The following RIT1 variants were observed in gnomAD, a reference collection of about 807,000 sequenced individuals.
The protein encoded by RIT1 is GTP-binding protein Rit1.
In RIT1, 6 loss-of-function variants were observed where a neutral mutation model predicts 25.6. The observed-to-expected ratio is 0.23, with a 90% CI of 0.13 to 0.46. RIT1 has a LOEUF of 0.46. Among genes scored for constraint, RIT1 ranks in the 20% least tolerant of loss-of-function variants. The probability of loss-of-function intolerance (pLI) is 0.99; values close to 1 mark genes in which losing one functional copy is unlikely to be tolerated. For synonymous variants in RIT1, 81 were observed against 94.1 expected (o/e 0.86, Z 0.80); for missense variants, 219 against 284.4 (o/e 0.77, Z 1.65).
intron 1 of RIT1, 31 bp from the exon 2 acceptor site, chr1:155,910,835 G>C: frequency 6.2e-7 from 1 of 1,612,536 alleles, no homozygotes; most frequent in Non-Finnish European, 8.5e-7. Flanking sequence ...GCTTAATCCA[G>C]GATGGAGACA....
At chr1:155,904,643 T>TA in intron 4 of RIT1, 88 bp downstream of exon 4, 1 of 1,225,154 alleles carries the variant, frequency 8.2e-7, no homozygotes, top group African/African-American at 1.5e-5. Flanking sequence ...TTAAGAGAGA[T>TA]AAACTATTGA....
chr1:155,910,198 TA>T, intron 3 of RIT1: 3 of 481,686 alleles, frequency 6.2e-6, no homozygotes, highest in East Asian at 3.7e-5. Flanking sequence ...TATACAACCA[TA>T]AAAAAATACA....
rs755664065 is a variant in RIT1, at chr1:155,904,374, T to C, written c.366A>G (p.Arg122=). The C allele has an allele frequency of 4.3e-6, 7 of 1,614,018 alleles. No individual in the cohort carries two copies. In the East Asian group the frequency reaches 1.6e-4, roughly 36 times the overall value. ...GAACCACAGGTGTATCGTCAGTACG[T>C]CGGACTCGATAAATAAGCTGTTTAA... ...REFKQLIYRV[R]RTDDTPVVLV... Residue 122 remains arginine (R), a synonymous_variant, in exon 5 of 6, where the codon CGA becomes CGG. Transcript: ENST00000368323.
chr1:155,904,642 A>G (rs1355770435), intron 4 of RIT1, 89 bp downstream of exon 4: 2 of 1,232,024 alleles, frequency 1.6e-6, no homozygotes, highest in Non-Finnish European at 1.2e-6. Context: ...ATTAAGAGAG[A>G]TAAACTATTG....
At chr1:155,910,611 G>A in intron 2 of RIT1, 45 bp downstream of exon 2, 1 of 1,609,720 alleles carries the variant, frequency 6.2e-7, no homozygotes, top group Non-Finnish European at 8.5e-7. Context: ...GGTCATTTAA[G>A]TACTTTTCAT....
chr1:155,901,758 C>T (rs1349893431), intron 5 of RIT1, among the ~76,000 whole-genome samples: 2 of 151,928 alleles, frequency 1.3e-5, no homozygotes, highest in Non-Finnish European at 2.9e-5. Flanking sequence ...GTCAAGGCTG[C>T]GGTAAGCCAT....
chr1:155,909,648 A>G, intron 3 of RIT1, among the ~76,000 whole-genome samples: 1 of 152,042 alleles, frequency 6.6e-6, no homozygotes, highest in Non-Finnish European at 1.5e-5. Context: ...AGGGCTAGGC[A>G]CAGTGGCTCA....
chr1:155,899,902 T>C lies in RIT1; in HGVS notation c.*486A>G. 4.5e-6 allele frequency: 1 copy of C among 219,980 alleles called. No individual in the cohort carries two copies. 13.6% of individuals were successfully genotyped at this position (219,980 alleles called of 1,614,324 possible). A position where few individuals can be genotyped will look rare whatever the true frequency, so the allele number is the denominator to read the frequency against. Reference sequence around the variant, plus strand: ...AGGTGTCAGCCTCACAGGTATCTGCTGAAATTTGGCACTGATCTCATTAGC... The same window carrying C: ...AGGTGTCAGCCTCACAGGTATCTGCCGAAATTTGGCACTGATCTCATTAGC... On this transcript the variant is annotated 3_prime_UTR_variant, in exon 6 of 6. Coordinates refer to ENST00000368323, the MANE Select transcript of RIT1 (RefSeq NM_006912.6).
intron 5 of RIT1, 100 bp downstream of exon 5, chr1:155,904,211 G>A (rs1394547913): frequency 1.1e-6 from 1 of 943,418 alleles, no homozygotes; most frequent in Non-Finnish European, 1.6e-6. Context: ...TCTATTTTAA[G>A]GCAAAAAAAT....
intron 3 of RIT1, among the ~76,000 whole-genome samples, chr1:155,907,474 C>A (rs904827277): frequency 2.0e-5 from 3 of 152,158 alleles, no homozygotes; most frequent in African/African-American, 7.2e-5. Flanking sequence ...AACTCCTGAC[C>A]TCAGGTGCCT....
At chr1:155,910,531 A>C (rs375379708) in intron 2 of RIT1, 25 bp from the exon 3 acceptor site, 254 of 1,613,454 alleles carry the variant, frequency 1.6e-4, no homozygotes, top group Non-Finnish European at 2.0e-4. Flanking sequence ...ATAAAAGTCA[A>C]ATCCTCACAA....
chr1:155,900,666 TTG>T (rs1486963391), intron 5 of RIT1, 48 bp from the exon 6 acceptor site: 1 of 1,533,954 alleles, frequency 6.5e-7, no homozygotes, highest in Non-Finnish European at 9.0e-7. Flanking sequence ...AACAATTAAA[TTG>T]TCCAAAAACC....
Position 155,910,512 on chromosome 1 carries a change from A to C in RIT1, c.107-6T>G. 9 of 1,614,146 alleles carry C rather than the reference A, an allele frequency of 5.6e-6. No individual in the cohort carries two copies. The highest frequency in any genetic ancestry group is 7.6e-6 in the Non-Finnish European group (9 of 1,179,974). On this transcript the variant is annotated splice_polypyrimidine_tract_variant and splice_region_variant and intron_variant, in intron 2 of 5. Coordinates refer to ENST00000368323, the MANE Select transcript of RIT1 (RefSeq NM_006912.6). Reference sequence around the variant, plus strand: ...GATGAACTGCATGGTCATGGCTTCAAAAGAAGAAATAAAAGTCAAATCCTC... The same window carrying C: ...GATGAACTGCATGGTCATGGCTTCACAAGAAGAAATAAAAGTCAAATCCTC...
At position 155,904,712 on chromosome 1, in the gene RIT1, A is replaced by T. The variant is rs746073428; in HGVS notation, c.237+19T>A. 1.1e-5 allele frequency: 18 copies of T among 1,583,282 alleles called. No homozygotes were observed. The East Asian group carries it at 4.0e-4, about 35-fold the overall frequency. On this transcript the variant is annotated intron_variant, in intron 4 of 5. Transcript: ENST00000368323. ...TAGAGTAAAAAAGCCTTTACTCATA[A>T]CATTCTGGGATTTAATACCTGTCCA... is the stretch of plus-strand genomic sequence containing the variant.
chr1:155,900,825 CTTTTT>C (rs34137561), intron 5 of RIT1, among the ~76,000 whole-genome samples: 1 of 149,378 alleles, frequency 6.7e-6, no homozygotes, highest in African/African-American at 2.4e-5. Flanking sequence ...TTCTAGTCTA[CTTTTT>C]TTTTTGAGAC....
intron 5 of RIT1, 23 bp from the exon 6 acceptor site, chr1:155,900,641 A>T: frequency 1.3e-6 from 2 of 1,589,868 alleles, no homozygotes; most frequent in Non-Finnish European, 8.6e-7. Context: ...AATGTGAGAA[A>T]AGATAACAGT....
intron 5 of RIT1, 49 bp downstream of exon 5, chr1:155,904,262 A>G (rs1193555644): frequency 1.5e-6 from 2 of 1,360,888 alleles, no homozygotes; most frequent in Non-Finnish European, 2.0e-6. Flanking sequence ...AGAAACAAAA[A>G]TGACTAATTG....
intron 5 of RIT1, among the ~76,000 whole-genome samples, chr1:155,901,963 A>C (rs1383697804): frequency 6.6e-6 from 1 of 152,226 alleles, no homozygotes; most frequent in Non-Finnish European, 1.5e-5. Context: ...TAAAATAAGA[A>C]AGAAACACTA....
chr1:155,904,161 C>T (rs141525708), intron 5 of RIT1, 150 bp downstream of exon 5: 10 of 597,380 alleles, frequency 1.7e-5, no homozygotes, highest in African/African-American at 9.3e-5. Context: ...ACCTTGGCCC[C>T]GCAAAGTACT....
Sources: gnomAD v4.1 joint callset for allele counts (sites outside exome capture counted in the v4.1 genomes callset) on GRCh38, gnomAD v4.1.1 for gene constraint, MANE v1.5 for transcripts, NCBI Gene and HGNC (gene_info 2026-07-23, HGNC 2026-07-21) for gene names.